The following DLGAP1 variants were observed in gnomAD, a reference collection of about 807,000 sequenced individuals.
DLGAP1 encodes DLG associated protein 1, also known as disks large-associated protein 1.
DLGAP1 carries 11 observed loss-of-function variants against 90.8 expected under a neutral mutation model. That is an observed-to-expected ratio of 0.12 (90% confidence interval 0.08 to 0.20). The LOEUF (loss-of-function observed/expected upper bound fraction) is 0.20. DLGAP1 is among the 10% of genes least tolerant of loss of function. The pLI is 1.00. For synonymous variants in DLGAP1, 558 were observed against 540.7 expected (o/e 1.03, Z -0.44); for missense variants, 1,050 against 1,333.8 (o/e 0.79, Z 3.31).
intron 1 of DLGAP1, among the ~76,000 whole-genome samples, chr18:4,155,447 T>C (rs1422786209): frequency 6.6e-6 from 1 of 152,174 alleles, no homozygotes; most frequent in Non-Finnish European, 1.5e-5. Flanking sequence ...TGAGGAATAG[T>C]AGTAGGTACA....
intron 7 of DLGAP1, among the ~76,000 whole-genome samples, chr18:3,594,856 G>A (rs1213708715): frequency 6.6e-6 from 1 of 152,146 alleles, no homozygotes; most frequent in Admixed American, 6.5e-5. Context: ...ATTTTTATCT[G>A]AAGTTGTACT....
At chr18:3,968,473 A>T (rs1276436019) in intron 3 of DLGAP1, among the ~76,000 whole-genome samples, 2 of 151,980 alleles carry the variant, frequency 1.3e-5, no homozygotes, top group African/African-American at 2.4e-5. Context: ...TATACACCTT[A>T]AAAAAAACTT....
At chr18:3,643,273 AAGAG>A (rs1415638651) in intron 7 of DLGAP1, among the ~76,000 whole-genome samples, 2 of 152,072 alleles carry the variant, frequency 1.3e-5, no homozygotes, top group Non-Finnish European at 2.9e-5. Flanking sequence ...GAAAGAAAGA[AAGAG>A]AGAAAGAAAA....
intron 4 of DLGAP1, among the ~76,000 whole-genome samples, chr18:3,858,186 A>C (rs1463934602): frequency 1.3e-5 from 2 of 152,010 alleles, no homozygotes; most frequent in East Asian, 1.9e-4. Context: ...CAGGCACCCA[A>C]TTTTTCAAAC....
intron 3 of DLGAP1, among the ~76,000 whole-genome samples, chr18:3,884,481 A>C (rs2071257656): frequency 6.6e-6 from 1 of 152,218 alleles, no homozygotes; most frequent in Non-Finnish European, 1.5e-5. Flanking sequence ...AGCTGAAAAC[A>C]TGAATTATAC....
chr18:4,302,477 A>G (rs12970144), intron 1 of DLGAP1, among the ~76,000 whole-genome samples: 17 of 152,198 alleles, frequency 1.1e-4, no homozygotes, highest in Non-Finnish European at 8.8e-5. Flanking sequence ...CTGGGCCTCT[A>G]TTCTGTTCCA....
intron 7 of DLGAP1, among the ~76,000 whole-genome samples, chr18:3,664,685 AT>A (rs2059815529): frequency 6.6e-6 from 1 of 152,080 alleles, no homozygotes; most frequent in Admixed American, 6.5e-5. Flanking sequence ...TATCTCTGTG[AT>A]TATTTGATTG....
chr18:4,351,097 A>G (rs2081394133), intron 1 of DLGAP1, among the ~76,000 whole-genome samples: 1 of 152,202 alleles, frequency 6.6e-6, no homozygotes, highest in Non-Finnish European at 1.5e-5. Context: ...AGAAAATGCT[A>G]CCTTAGCACT....
chr18:3,811,362 T>G (rs897604783), intron 5 of DLGAP1, among the ~76,000 whole-genome samples: 1 of 152,178 alleles, frequency 6.6e-6, no homozygotes, highest in African/African-American at 2.4e-5. Context: ...TTCACAGTAA[T>G]ATATGAGATG....
chr18:4,423,851 TAAAAAAAA>T (rs36053501), intron 1 of DLGAP1, among the ~76,000 whole-genome samples: 18 of 120,630 alleles, frequency 1.5e-4, no homozygotes, highest in African/African-American at 5.7e-4. Context: ...CCCAGGAATT[TAAAAAAAA>T]AAAAAAAAAA....
intron 7 of DLGAP1, among the ~76,000 whole-genome samples, chr18:3,624,825 G>A (rs1599599314): frequency 6.6e-6 from 1 of 152,104 alleles, no homozygotes; most frequent in East Asian, 1.9e-4. Context: ...GCACCCAGGG[G>A]GAATCTCAAG....
At position 3,549,337 on chromosome 18, in the gene DLGAP1, C is replaced by CTT. The variant is rs398031867; in HGVS notation, c.2058-14724_2058-14723dup. Among the ~76,000 whole-genome samples, 63 of 144,620 alleles carry CTT rather than the reference C, an allele frequency of 4.4e-4. 1 individual carries two copies. The highest frequency in any genetic ancestry group is 9.2e-4 in the African/African-American group (36 of 39,162). The allele number at this position is 144,620 out of a possible 152,430, so 94.9% of individuals were successfully genotyped here. A position where few individuals can be genotyped will look rare whatever the true frequency, so the allele number is the denominator to read the frequency against. On this transcript the variant is annotated intron_variant, in intron 9 of 12. Coordinates refer to ENST00000315677, the MANE Select transcript of DLGAP1 (RefSeq NM_004746.4). ...CCTATTCCTCACTTTCTCTCTCTCT[C>CTT]TTTTTTTTTTTTTGAAAAGGAGTCT... is the stretch of plus-strand genomic sequence containing the variant.
chr18:3,588,831 A>G (rs2056066614), intron 7 of DLGAP1, among the ~76,000 whole-genome samples: 1 of 151,822 alleles, frequency 6.6e-6, no homozygotes, highest in South Asian at 2.1e-4. Flanking sequence ...AAAACAACAC[A>G]TTCCTATCAT....
chr18:3,502,425 G>A, intron 12 of DLGAP1, 68 bp downstream of exon 12: 1 of 1,602,624 alleles, frequency 6.2e-7, no homozygotes, highest in Non-Finnish European at 8.5e-7. Flanking sequence ...GAATGCAGAA[G>A]CCTATTTAGA....
chr18:4,136,942 C>A (rs1161542950), intron 2 of DLGAP1, among the ~76,000 whole-genome samples: 1 of 152,062 alleles, frequency 6.6e-6, no homozygotes. Context: ...GGTACATGTG[C>A]ACAACGTGCA....
At chr18:4,195,702 C>T (rs375285982) in intron 1 of DLGAP1, among the ~76,000 whole-genome samples, 47 of 152,186 alleles carry the variant, frequency 3.1e-4, no homozygotes, top group Middle Eastern at 3.4e-3. Context: ...CAGACATGCA[C>T]CACCACACCT....
chr18:4,447,048 C>T (rs73372928), intron 1 of DLGAP1, among the ~76,000 whole-genome samples: 8,801 of 152,220 alleles, frequency 0.058, 286 homozygotes, highest in Middle Eastern at 0.1. Context: ...GGATATAAAA[C>T]AAAAGGTGTT....
At chr18:3,781,835 G>C (rs1038161453) in intron 5 of DLGAP1, among the ~76,000 whole-genome samples, 1 of 152,184 alleles carries the variant, frequency 6.6e-6, no homozygotes, top group African/African-American at 2.4e-5. Context: ...ACATATTGCT[G>C]TTCAAATTCT....
chr18:3,952,957 A>C (rs190552218), intron 3 of DLGAP1, among the ~76,000 whole-genome samples: 6 of 152,270 alleles, frequency 3.9e-5, no homozygotes, highest in Admixed American at 3.3e-4. Context: ...TTCTTTTCCT[A>C]AGTTCCTACC....
Sources: allele counts gnomAD v4.1 joint callset (sites outside exome capture counted in the v4.1 genomes callset), GRCh38; gene constraint gnomAD v4.1.1; transcripts MANE v1.5; gene names NCBI Gene and HGNC (gene_info 2026-07-23, HGNC 2026-07-21).